Variants in TLK1 observed in about 807,000 individuals in gnomAD.
The protein encoded by TLK1 is serine/threonine-protein kinase tousled-like 1.
In TLK1, 24 loss-of-function variants were observed where a neutral mutation model predicts 105.3. The observed-to-expected ratio is 0.23, with a 90% CI of 0.17 to 0.32. The LOEUF is 0.32. TLK1 is among the 10% of genes least tolerant of loss of function. The pLI, the probability that TLK1 is intolerant of heterozygous loss-of-function variation, is 1.00. For missense variants in TLK1, 558 were observed against 910.5 expected, an observed-to-expected ratio of 0.61 and a Z score of 4.98; for synonymous variants, 321 against 310.4, an observed-to-expected ratio of 1.03 and a Z score of -0.36.
chr2:171,027,935 G>A (rs374378624), intron 12 of TLK1, among the ~76,000 whole-genome samples: 14 of 152,240 alleles, frequency 9.2e-5, no homozygotes, highest in African/African-American at 3.1e-4. Context: ...GGCCAAGGTG[G>A]GTGGATCACA....
chr2:171,216,286 C>CT (rs1693712085), intron 1 of TLK1, among the ~76,000 whole-genome samples: 1 of 152,098 alleles, frequency 6.6e-6, no homozygotes, highest in Non-Finnish European at 1.5e-5. Context: ...ACCATCCTGG[C>CT]TAATACGGTG....
At chr2:171,209,344 ATTAAGT>A (rs980897513) in intron 1 of TLK1, among the ~76,000 whole-genome samples, 1 of 152,190 alleles carries the variant, frequency 6.6e-6, no homozygotes, top group African/African-American at 2.4e-5. Flanking sequence ...TATTCAAAAA[ATTAAGT>A]TTAAGTTAGG....
rs540429917 is a variant in TLK1 at position 171,062,278 on chromosome 2, A to G, written c.331-1122T>C. On this transcript the variant is annotated intron_variant, in intron 3 of 20. Coordinates refer to ENST00000431350, the MANE Select transcript of TLK1 (RefSeq NM_012290.5). ...CACTAATATTTGACTGAATGAATGA[A>G]TGAATCTTACTAAACAACTTAAAAT... Among the ~76,000 whole-genome samples the G allele has an allele frequency of 1.0e-3, 152 of 152,372 alleles. 1 individual carries two copies. The highest frequency in any genetic ancestry group is 4.3e-3 in the South Asian group (21 of 4,834).
intron 1 of TLK1, among the ~76,000 whole-genome samples, chr2:171,137,247 AC>A (rs1374094553): frequency 6.6e-6 from 1 of 151,776 alleles, no homozygotes; most frequent in East Asian, 1.9e-4. Context: ...ATGCCACTGT[AC>A]TCCAGGCTGG....
intron 1 of TLK1, among the ~76,000 whole-genome samples, chr2:171,210,683 C>CT (rs950719958): frequency 1.4e-4 from 21 of 152,182 alleles, no homozygotes; most frequent in African/African-American, 5.1e-4. Context: ...CGGACTCTGA[C>CT]TTTTTTGCAT....
intron 11 of TLK1, among the ~76,000 whole-genome samples, chr2:171,043,607 A>G (rs1686797606): frequency 6.6e-6 from 1 of 152,212 alleles, no homozygotes; most frequent in African/African-American, 2.4e-5. Flanking sequence ...ACATCACCCA[A>G]GTAAAAGACA....
chr2:171,159,450 G>A (rs1427830645), intron 1 of TLK1: 3 of 152,170 alleles, frequency 2.0e-5, no homozygotes, highest in Non-Finnish European at 4.4e-5. Context: ...TGCTACATCT[G>A]GTGGCAGCCC....
At chr2:171,008,167 T>C (rs1684732770) in intron 14 of TLK1, among the ~76,000 whole-genome samples, 1 of 152,096 alleles carries the variant, frequency 6.6e-6, no homozygotes, top group South Asian at 2.1e-4. Flanking sequence ...AGATATAATA[T>C]AGCACACAGT....
intron 8 of TLK1, among the ~76,000 whole-genome samples, chr2:171,053,538 T>C (rs540939301): frequency 1.1e-4 from 16 of 152,146 alleles, no homozygotes; most frequent in Admixed American, 3.9e-4. Context: ...AATTTTTGTA[T>C]TTTTAGTAGA....
chr2:171,006,515 T>C lies in TLK1; in HGVS notation c.1727A>G (p.Asn576Ser). 2.5e-6 allele frequency: 4 copies of C among 1,612,524 alleles called. No individual in the cohort carries two copies. The highest frequency in any genetic ancestry group is 3.4e-6 in the Non-Finnish European group (4 of 1,179,450). Residue 576 changes from asparagine (N) to serine (S), a missense_variant, in exon 17 of 21, where the codon AAT (asparagine) becomes AGT (serine). Around this residue, in one of 5 missense-constraint regions of TLK1, gnomAD observed 218 missense variants for 492.9 expected, o/e 0.44. Coordinates refer to ENST00000431350, the MANE Select transcript of TLK1 (RefSeq NM_012290.5). ...MQIVNALRYLNEIKPPIIHYD... is the reference protein window; with the variant it reads ...MQIVNALRYLSEIKPPIIHYD... ...ATGTATAATAGGGGGTTTGATCTCATTGAGATATCTTAGTGCATTTACAAT... is the reference window on the plus strand; with the variant it reads ...ATGTATAATAGGGGGTTTGATCTCACTGAGATATCTTAGTGCATTTACAAT...
In TLK1 at chr2:171,093,197, C is replaced by T. The variant is rs532016351; in HGVS notation, c.259-10345G>A. 9.2e-5 allele frequency among the ~76,000 whole-genome samples: 14 copies of T among 152,294 alleles called. No homozygotes were observed. In the South Asian group the frequency reaches 2.9e-3, roughly 32 times the overall value. On this transcript the variant is annotated intron_variant, in intron 2 of 20. Transcript: ENST00000431350. ...TAAAGAGTAGACACAGAGCTAAGTG[C>T]TGAGACCATTAAAATATGCCACACA...
At position 171,015,656 on chromosome 2, in the gene TLK1, A is replaced by G. The variant is rs1427576226; in HGVS notation, c.1237-708T>C. On this transcript the variant is annotated intron_variant, in intron 12 of 20. Transcript: ENST00000431350. ...AGACTAGCCACCAAAACAAGTACAC[A>G]TATCACTCATGTCATTCATGTCATT... is the stretch of plus-strand genomic sequence containing the variant. 2.7e-5 allele frequency among the ~76,000 whole-genome samples: 4 copies of G among 149,364 alleles called. No individual in the cohort carries two copies. In the East Asian group the frequency reaches 5.9e-4, roughly 22 times the overall value.
intron 1 of TLK1, among the ~76,000 whole-genome samples, chr2:171,169,874 G>A (rs1347775256): frequency 6.6e-6 from 1 of 152,200 alleles, no homozygotes; most frequent in Non-Finnish European, 1.5e-5. Context: ...ATTCAATTAA[G>A]CAAAGGTAGA....
intron 1 of TLK1, among the ~76,000 whole-genome samples, chr2:171,156,379 A>G (rs1314270219): frequency 1.3e-5 from 2 of 152,246 alleles, no homozygotes. Context: ...GTTTAAATTA[A>G]TAAATATATT....
intron 3 of TLK1, among the ~76,000 whole-genome samples, chr2:171,080,995 C>T (rs915632143): frequency 1.3e-5 from 2 of 152,122 alleles, no homozygotes; most frequent in African/African-American, 2.4e-5. Context: ...CGTGAGCCCC[C>T]GTACATGGCC....
chr2:171,181,792 C>A (rs1692932747), intron 1 of TLK1, among the ~76,000 whole-genome samples: 1 of 152,200 alleles, frequency 6.6e-6, no homozygotes, highest in South Asian at 2.1e-4. Context: ...CCACCTCCAA[C>A]ATTAGGGATC....
At chr2:171,103,104 G>A (rs1294013348) in intron 2 of TLK1, among the ~76,000 whole-genome samples, 1 of 151,870 alleles carries the variant, frequency 6.6e-6, no homozygotes, top group East Asian at 1.9e-4. Flanking sequence ...TAACTGCCGT[G>A]GTGGGGCAGT....
chr2:171,048,024 C>T (rs1352383706), intron 10 of TLK1, among the ~76,000 whole-genome samples: 2 of 152,200 alleles, frequency 1.3e-5, no homozygotes, highest in African/African-American at 4.8e-5. Context: ...TCTCGGCTCA[C>T]TGCAGCCTCC....
intron 2 of TLK1, among the ~76,000 whole-genome samples, chr2:171,100,191 C>G (rs763644328): frequency 3.4e-4 from 52 of 152,244 alleles, no homozygotes; most frequent in Non-Finnish European, 6.3e-4. Flanking sequence ...ACCAAAAACA[C>G]AGTGAGATCC....
Sources: gnomAD v4.1 joint callset for allele counts (sites outside exome capture counted in the v4.1 genomes callset) on GRCh38, gnomAD v4.1.1 for gene constraint, gnomAD v4.1.1 regional missense constraint, MANE v1.5 for transcripts, NCBI Gene and HGNC (gene_info 2026-07-23, HGNC 2026-07-21) for gene names.